FBXW10B: variants seen among roughly 807,000 people sequenced by gnomAD.
FBXW10B encodes F-box and WD repeat domain containing 10B.
the FBXW10B span, among the ~76,000 whole-genome samples, chr17:15,606,471 G>A: frequency 6.7e-6 from 1 of 150,040 alleles, no homozygotes; most frequent in South Asian, 2.1e-4. Context: ...AGGTTACAAT[G>A]AGCCAAGATT....
chr17:15,585,226 TC>T, the FBXW10B span, among the ~76,000 whole-genome samples: 1 of 152,094 alleles, frequency 6.6e-6, no homozygotes, highest in Non-Finnish European at 1.5e-5. Flanking sequence ...TTGTAATCTT[TC>T]ATCTGGAAAA....
chr17:15,585,338 A>T, the FBXW10B span, among the ~76,000 whole-genome samples: 521 of 152,264 alleles, frequency 3.4e-3, 1 homozygote, highest in Middle Eastern at 6.8e-3. Flanking sequence ...AAAAGATAAA[A>T]TTTTTTAAAA....
At chr17:15,612,741 C>T in the FBXW10B span, 10 of 1,614,094 alleles carry the variant, frequency 6.2e-6, no homozygotes, top group Non-Finnish European at 8.5e-6. Context: ...CACACGCATG[C>T]TCTTCCCGTC....
the FBXW10B span, among the ~76,000 whole-genome samples, chr17:15,603,415 T>C: frequency 6.6e-6 from 1 of 152,058 alleles, no homozygotes; most frequent in African/African-American, 2.4e-5. Context: ...ATACACATTG[T>C]ATTGGTTCTG....
the FBXW10B span, among the ~76,000 whole-genome samples, chr17:15,608,360 C>A: frequency 6.6e-6 from 1 of 150,996 alleles, no homozygotes; most frequent in Admixed American, 6.6e-5. Flanking sequence ...CAGGGTTTCA[C>A]CATGTTAGCC....
At chr17:15,565,807 G>T in the FBXW10B span, 1 of 1,613,772 alleles carries the variant, frequency 6.2e-7, no homozygotes, top group African/African-American at 1.3e-5. Flanking sequence ...AAGAGACAGG[G>T]TGGCTGTGCC....
At chr17:15,569,455 C>CTTTTTTTTTTTTTTTTTTTTTTTTTTTT in the FBXW10B span, among the ~76,000 whole-genome samples, 4 of 59,190 alleles carry the variant, frequency 6.8e-5, no homozygotes, top group African/African-American at 2.5e-4. Flanking sequence ...TTTTCTTTTT[C>CTTTTTTTTTTTTTTTTTTTTTTTTTTTT]TTTTTTTTTT....
At chr17:15,612,292 G>C in the FBXW10B span, among the ~76,000 whole-genome samples, 2 of 151,974 alleles carry the variant, frequency 1.3e-5, no homozygotes. Flanking sequence ...CGGATCACAA[G>C]GTCAGGAGAT....
chr17:15,568,681 G>C, the FBXW10B span, among the ~76,000 whole-genome samples: 2 of 151,374 alleles, frequency 1.3e-5, no homozygotes, highest in African/African-American at 4.9e-5. Flanking sequence ...CTATTGGGCT[G>C]CCCCTGCAGG....
At chr17:15,616,234 G>C in the FBXW10B span, among the ~76,000 whole-genome samples, 32 of 151,928 alleles carry the variant, frequency 2.1e-4, no homozygotes, top group Non-Finnish European at 3.7e-4. Flanking sequence ...GAGTGCAATG[G>C]CTCGGTCTTG....
At chr17:15,567,551 A>C in the FBXW10B span, among the ~76,000 whole-genome samples, 1 of 152,104 alleles carries the variant, frequency 6.6e-6, no homozygotes, top group Non-Finnish European at 1.5e-5. Flanking sequence ...TAAGTTTGTT[A>C]ATGGTCAACC....
chr17:15,574,248 T>C, the FBXW10B span: 6 of 630,504 alleles, frequency 9.5e-6, no homozygotes, highest in African/African-American at 3.8e-5. Context: ...GTATCACTTA[T>C]AGTTTAAAAA....
the FBXW10B span, chr17:15,565,630 G>A: frequency 7.3e-5 from 118 of 1,614,264 alleles, no homozygotes; most frequent in Admixed American, 3.0e-4. Context: ...GATCCATGCA[G>A]CTTTGCTGGC....
At chr17:15,599,625 C>G in the FBXW10B span, among the ~76,000 whole-genome samples, 1,597 of 150,110 alleles carry the variant, frequency 0.011, 32 homozygotes, top group African/African-American at 0.035. Context: ...CTTTACCAAT[C>G]ACTTAGATCC....
the FBXW10B span, chr17:15,595,070 G>A: frequency 3.0e-5 from 13 of 427,394 alleles, no homozygotes; most frequent in East Asian, 4.7e-4. Context: ...GGCCGGGCGC[G>A]GTGGCTCATG....
chr17:15,565,500 T>C, the FBXW10B span: 10 of 1,604,202 alleles, frequency 6.2e-6, no homozygotes, highest in Non-Finnish European at 8.5e-7. Context: ...GCTTTCTGTT[T>C]ATTGTAAAAC....
chr17:15,597,161 C>T, the FBXW10B span, among the ~76,000 whole-genome samples: 2 of 151,784 alleles, frequency 1.3e-5, no homozygotes, highest in African/African-American at 4.8e-5. Flanking sequence ...AGGTCATCTA[C>T]CCTCACTTAC....
chr17:15,571,707 A>G, the FBXW10B span: 1 of 152,242 alleles, frequency 6.6e-6, no homozygotes, highest in Non-Finnish European at 1.5e-5. Flanking sequence ...CATGAATATT[A>G]GCTTAAATAT....
chr17:15,614,105 C>A, the FBXW10B span: 2 of 1,499,844 alleles, frequency 1.3e-6, no homozygotes, highest in Non-Finnish European at 1.8e-6. Context: ...AACAAGTCCC[C>A]ACCAAAAGCT....
Sources: gnomAD v4.1 joint callset for allele counts (sites outside exome capture counted in the v4.1 genomes callset) on GRCh38, gnomAD v4.1.1 for gene constraint, MANE v1.5 for transcripts, NCBI Gene and HGNC (gene_info 2026-07-23, HGNC 2026-07-21) for gene names.